Variants in GRK5 observed in about 807,000 individuals in gnomAD.
GRK5 encodes g protein-coupled receptor kinase GRK5.
A neutral mutation model predicts 78.4 loss-of-function variants in GRK5; 40 were observed. That is an observed-to-expected ratio of 0.51 (90% CI 0.40 to 0.66). GRK5 has a LOEUF of 0.66. Among genes scored for constraint, GRK5 ranks in the 30% least tolerant of loss-of-function variants. GRK5 has a pLI of 0.00. For synonymous variants in GRK5, 289 were observed against 296.8 expected, an observed-to-expected ratio of 0.97 and a Z score of 0.27; for missense variants, 598 against 759.9, an observed-to-expected ratio of 0.79 and a Z score of 2.50.
intron 15 of GRK5, among the ~76,000 whole-genome samples, chr10:119,454,379 A>T (rs1853357348): frequency 6.6e-6 from 1 of 152,178 alleles, no homozygotes; most frequent in African/African-American, 2.4e-5. Context: ...CATTGCCTAG[A>T]GCCACGGGTG....
rs12721547 is a variant in GRK5 at position 119,439,904 on chromosome 10, G to A, written c.967+136G>A. 4,245 of 735,996 alleles carry A rather than the reference G, an allele frequency of 5.8e-3. 122 individuals carry two copies. The African/African-American group carries it at 0.065, about 11-fold the overall frequency. 45.6% of individuals were successfully genotyped at this position (735,996 alleles called of 1,614,324 possible). ...CCCACTGCTCAGTGCTGGGTACCTG[G>A]GGAAGGGGGAAAGCTGTGAGTGTGA... On this transcript the variant is annotated intron_variant, in intron 10 of 15. Coordinates refer to ENST00000392870, the MANE Select transcript of GRK5 (RefSeq NM_005308.3).
chr10:119,431,614 C>A lies in GRK5; in HGVS notation c.738+87C>A, dbSNP rs12721545. ...TCCGGAAGGGCGTGGTCCTCTAATG[C>A]GGCCGGTCCCCACCCCTGGGAAGGG... On this transcript the variant is annotated intron_variant, in intron 8 of 15. Transcript: ENST00000392870. This position sits in a 1 kb window ranked among gnomAD's most constrained non-coding sequence, Gnocchi z 4.8. The A allele has an allele frequency of 2.6e-5, 38 of 1,472,592 alleles. No individual in the cohort carries two copies. In the African/African-American group the frequency reaches 5.4e-4, roughly 21 times the overall value. The allele number at this position is 1,472,592 out of a possible 1,614,324, so 91.2% of individuals were successfully genotyped here. A position where few individuals can be genotyped will look rare whatever the true frequency, so the allele number is the denominator to read the frequency against.
chr10:119,216,579 C>T (rs1848577905), intron 1 of GRK5, among the ~76,000 whole-genome samples: 1 of 151,878 alleles, frequency 6.6e-6, no homozygotes, highest in Admixed American at 6.6e-5. Context: ...GAGGCTGAGG[C>T]AGGAGGATTG....
In GRK5 at chr10:119,445,707, A is replaced by G. The variant is rs1204080775; in HGVS notation, c.1266+1955A>G. On this transcript the variant is annotated intron_variant, in intron 12 of 15. Transcript: ENST00000392870. The surrounding 1 kb of genome is among the most constrained non-coding windows in gnomAD (Gnocchi z 4.1). ...TGCAGCATCTCCGGCATCTAGGCCT[A>G]CCTTGTCCCCTCCAGCTGGTGGCAG... Among the ~76,000 whole-genome samples the G allele has an allele frequency of 6.6e-6, 1 of 152,126 alleles. No individual in the cohort carries two copies. The highest frequency in any genetic ancestry group is 1.5e-5 in the Non-Finnish European group (1 of 68,016).
At chr10:119,355,183 A>G (rs1455864939) in intron 2 of GRK5, among the ~76,000 whole-genome samples, 2 of 152,238 alleles carry the variant, frequency 1.3e-5, no homozygotes, top group Admixed American at 6.5e-5. Flanking sequence ...TTTCCTGTCA[A>G]ATATTTTTGA....
chr10:119,423,368 T>A (rs1026224943), intron 5 of GRK5, 102 bp downstream of exon 5: 8 of 759,756 alleles, frequency 1.1e-5, no homozygotes, highest in Non-Finnish European at 1.6e-5. Flanking sequence ...AGGTCTTCCA[T>A]GCCTGACAGC....
At chr10:119,279,302 G>C (rs549618951) in intron 1 of GRK5, among the ~76,000 whole-genome samples, 9 of 152,220 alleles carry the variant, frequency 5.9e-5, no homozygotes, top group Non-Finnish European at 1.3e-4. Context: ...ATACAGTCAT[G>C]TTCTGAGGTG....
chr10:119,446,691 C>T (rs181815006), intron 12 of GRK5, among the ~76,000 whole-genome samples: 35 of 152,274 alleles, frequency 2.3e-4, no homozygotes, highest in African/African-American at 6.5e-4. Flanking sequence ...TCCGTGGGGG[C>T]GTTAAGGGGC....
intron 1 of GRK5, among the ~76,000 whole-genome samples, chr10:119,280,844 A>G (rs1406781443): frequency 5.4e-5 from 8 of 147,474 alleles, no homozygotes; most frequent in African/African-American, 1.0e-4. Flanking sequence ...CCGTGGCCCA[A>G]TCCCAGCTCA....
intron 1 of GRK5, among the ~76,000 whole-genome samples, chr10:119,320,301 G>T (rs539176158): frequency 6.6e-6 from 1 of 152,350 alleles, no homozygotes; most frequent in East Asian, 1.9e-4. Flanking sequence ...GACACCACGG[G>T]TCCGCTATCA....
At chr10:119,214,338 G>A (rs1225763941) in intron 1 of GRK5, among the ~76,000 whole-genome samples, 2 of 152,152 alleles carry the variant, frequency 1.3e-5, no homozygotes, top group African/African-American at 4.8e-5. Flanking sequence ...TCCCCGAAGA[G>A]CTGAGGCTGA....
rs1176161623 is a variant in GRK5, at chr10:119,425,257, G to GCACACACA, written c.533+175_533+182dup. Among the ~76,000 whole-genome samples, 19 of 92,496 alleles carry GCACACACA rather than the reference G, an allele frequency of 2.1e-4. No individual in the cohort carries two copies. In the South Asian group the frequency reaches 6.3e-3, roughly 30 times the overall value. The allele number at this position is 92,496 out of a possible 152,430, so 60.7% of individuals were successfully genotyped here. On this transcript the variant is annotated intron_variant, in intron 6 of 15. Coordinates refer to ENST00000392870, the MANE Select transcript of GRK5 (RefSeq NM_005308.3). ...CTAGAAATGCTGTATGCTTATTCAA[G>GCACACACA]CACACACACATACACACACACACAC...
intron 3 of GRK5, among the ~76,000 whole-genome samples, chr10:119,396,153 C>T (rs1335738722): frequency 3.9e-5 from 6 of 152,196 alleles, no homozygotes; most frequent in South Asian, 2.1e-4. Context: ...TGATCACTTC[C>T]GTCTGTATAA....
chr10:119,432,045 G>C (rs1852831236), intron 8 of GRK5, among the ~76,000 whole-genome samples: 1 of 152,214 alleles, frequency 6.6e-6, no homozygotes, highest in Admixed American at 6.5e-5. Flanking sequence ...CTCACCTGAA[G>C]TCCAATCAGA....
At chr10:119,223,912 T>C (rs1344151416) in intron 1 of GRK5, among the ~76,000 whole-genome samples, 2 of 152,050 alleles carry the variant, frequency 1.3e-5, no homozygotes, top group Non-Finnish European at 2.9e-5. Flanking sequence ...TTCTGCTCTT[T>C]GGAGGTATCC....
At position 119,311,914 on chromosome 10, in the gene GRK5, A is replaced by ACTTTTTTTTTTTTTTTTTTT. The variant is rs34048341; in HGVS notation, c.53-14602_53-14601insCTTTTTTTTTTTTTTTTTTT. Among the ~76,000 whole-genome samples the ACTTTTTTTTTTTTTTTTTTT allele has an allele frequency of 2.2e-5, 3 of 137,814 alleles. 1 individual carries two copies. Among genetic ancestry groups the ACTTTTTTTTTTTTTTTTTTT allele is most frequent in the Non-Finnish European group, 3.1e-5 (2 of 64,916 alleles). The allele number at this position is 137,814 out of a possible 152,430, so 90.4% of individuals were successfully genotyped here. ...TGTACTGAATGCTACTGAATTGTTC[A>ACTTTTTTTTTTTTTTTTTTT]TTTTTTTTTTTTTTTTTTTGAGACG... is the stretch of plus-strand genomic sequence containing the variant. On this transcript the variant is annotated intron_variant, in intron 1 of 15. Coordinates refer to ENST00000392870, the MANE Select transcript of GRK5 (RefSeq NM_005308.3).
At chr10:119,454,568 C>T (rs942086133) in intron 15 of GRK5, among the ~76,000 whole-genome samples, 1 of 152,174 alleles carries the variant, frequency 6.6e-6, no homozygotes, top group Non-Finnish European at 1.5e-5. Flanking sequence ...ATATGAGGCC[C>T]CATTGTATCC....
chr10:119,246,038 A>AAG (rs1849105681), intron 1 of GRK5, among the ~76,000 whole-genome samples: 1 of 146,436 alleles, frequency 6.8e-6, no homozygotes, highest in Non-Finnish European at 1.5e-5. Context: ...AAAAAAAAAA[A>AAG]AAAAAAAGAA....
intron 1 of GRK5, among the ~76,000 whole-genome samples, chr10:119,239,924 G>A (rs1439595704): frequency 6.6e-6 from 1 of 152,112 alleles, no homozygotes; most frequent in Non-Finnish European, 1.5e-5. Context: ...GTCATTGATG[G>A]GCATTTGGGT....
Sources: gnomAD v4.1 joint callset for allele counts (sites outside exome capture counted in the v4.1 genomes callset) on GRCh38, gnomAD v4.1.1 for gene constraint, Gnocchi (gnomAD v3.1) non-coding constraint, MANE v1.5 for transcripts, NCBI Gene and HGNC (gene_info 2026-07-23, HGNC 2026-07-21) for gene names.